The following LOXHD1 variants were observed in gnomAD, a reference collection of about 807,000 sequenced individuals.
LOXHD1 encodes lipoxygenase homology PLAT domains 1.
LOXHD1 carries 205 observed loss-of-function variants against 248.2 expected under a neutral mutation model. The ratio of observed to expected loss-of-function variants is 0.83; its 90% CI spans 0.74 to 0.93. LOXHD1 has a LOEUF of 0.93. Among genes scored for constraint, LOXHD1 ranks in the 40% least tolerant of loss-of-function variants. The probability of loss-of-function intolerance (pLI) is 0.00; values close to 1 mark genes in which losing one functional copy is unlikely to be tolerated. For synonymous variants in LOXHD1, 1,113 were observed against 1,162.8 expected (o/e 0.96, Z 0.87); for missense variants, 2,930 against 2,971.6 (o/e 0.99, Z 0.33).
At position 46,477,478 on chromosome 18, in the gene LOXHD1, A is replaced by G; in HGVS notation, c.6816T>C (p.Ser2272=). ...GGGTGGGGGCCCTAGCCCCTCAGACAGAAGGGAAGAGGTCTCTCCAGGTGA... is the reference window on the plus strand; with the variant it reads ...GGGTGGGGGCCCTAGCCCCTCAGACGGAAGGGAAGAGGTCTCTCCAGGTGA... The part of the protein sequence containing the change: ...DGLTWRDLFP[S]V Residue 2272 remains serine (S), a synonymous_variant, in exon 41 of 41, where the codon TCT becomes TCC. Coordinates refer to ENST00000642948, the MANE Select transcript of LOXHD1 (RefSeq NM_001384474.1). 6.5e-7 allele frequency: 1 copy of G among 1,545,020 alleles called. No individual in the cohort carries two copies. The highest frequency in any genetic ancestry group is 1.2e-5 in the South Asian group (1 of 83,934).
intron 37 of LOXHD1, among the ~76,000 whole-genome samples, chr18:46,489,781 G>A (rs963330131): frequency 2.0e-5 from 3 of 152,202 alleles, no homozygotes; most frequent in Non-Finnish European, 2.9e-5. Flanking sequence ...GCTCTTGAAG[G>A]CAGGGAGTAG....
chr18:46,549,772 T>C (rs890901898), intron 21 of LOXHD1, among the ~76,000 whole-genome samples: 1 of 152,226 alleles, frequency 6.6e-6, no homozygotes, highest in Non-Finnish European at 1.5e-5. Context: ...TATTCAAGAA[T>C]GGTATCTGTC....
intron 37 of LOXHD1, among the ~76,000 whole-genome samples, chr18:46,499,083 A>C (rs1315123140): frequency 2.0e-5 from 3 of 152,240 alleles, no homozygotes; most frequent in Non-Finnish European, 4.4e-5. Flanking sequence ...ACTAAGTGCC[A>C]GGCATTAGGC....
chr18:46,638,982 C>T (rs539497978), intron 4 of LOXHD1, among the ~76,000 whole-genome samples: 1 of 152,158 alleles, frequency 6.6e-6, no homozygotes, highest in African/African-American at 2.4e-5. Context: ...GTAATGCCCC[C>T]CTTTTTGGAA....
At chr18:46,603,035 C>T (rs912813941) in intron 7 of LOXHD1, among the ~76,000 whole-genome samples, 6 of 152,028 alleles carry the variant, frequency 3.9e-5, no homozygotes, top group Non-Finnish European at 5.9e-5. Flanking sequence ...ATGATCAGCC[C>T]GCAATGCTGA....
chr18:46,598,851 T>A (rs1017818411), intron 8 of LOXHD1, among the ~76,000 whole-genome samples: 1 of 152,162 alleles, frequency 6.6e-6, no homozygotes, highest in Admixed American at 6.5e-5. Context: ...AAAGTCAATA[T>A]AGTAAAGATG....
intron 37 of LOXHD1, among the ~76,000 whole-genome samples, chr18:46,500,371 G>A (rs1246757735): frequency 6.6e-6 from 1 of 152,176 alleles, no homozygotes; most frequent in African/African-American, 2.4e-5. Context: ...AACTCATCAA[G>A]ATGAAGAAAG....
intron 26 of LOXHD1, among the ~76,000 whole-genome samples, chr18:46,536,992 C>T (rs1177808920): frequency 6.6e-6 from 1 of 152,208 alleles, no homozygotes; most frequent in Non-Finnish European, 1.5e-5. Flanking sequence ...ATCCAAGTTA[C>T]ATCACACTCC....
At chr18:46,593,175 T>G (rs894729619) in intron 10 of LOXHD1, among the ~76,000 whole-genome samples, 3 of 147,870 alleles carry the variant, frequency 2.0e-5, no homozygotes, top group African/African-American at 7.3e-5. Context: ...TTATGCATAA[T>G]GGAAAGTTTT....
intron 33 of LOXHD1, chr18:46,518,858 G>A (rs1314729793): frequency 1.0e-6 from 1 of 984,064 alleles, no homozygotes; most frequent in African/African-American, 1.7e-5. Flanking sequence ...AATGAGGGGT[G>A]CCATCGGGAG....
At chr18:46,620,884 G>A (rs1568220545) in intron 4 of LOXHD1, among the ~76,000 whole-genome samples, 2 of 152,204 alleles carry the variant, frequency 1.3e-5, no homozygotes, top group Non-Finnish European at 2.9e-5. Flanking sequence ...CAGCACGAAC[G>A]CACACGGGAC....
intron 2 of LOXHD1, among the ~76,000 whole-genome samples, chr18:46,648,594 G>A (rs1009966663): frequency 1.3e-5 from 2 of 152,164 alleles, no homozygotes; most frequent in African/African-American, 4.8e-5. Context: ...GCAGTGGGGG[G>A]AAAGGATCCG....
intron 2 of LOXHD1, among the ~76,000 whole-genome samples, chr18:46,648,309 C>A (rs530846833): frequency 6.6e-6 from 1 of 151,876 alleles, no homozygotes; most frequent in African/African-American, 2.4e-5. Context: ...CAAAAAAAAA[C>A]GTGGGGTTTA....
intron 21 of LOXHD1, chr18:46,556,778 T>C (rs1428388389): frequency 5.4e-4 from 75 of 137,778 alleles, no homozygotes; most frequent in African/African-American, 7.3e-4. Context: ...CCACCCTCAG[T>C]CTCAGACATC....
intron 38 of LOXHD1, among the ~76,000 whole-genome samples, chr18:46,488,406 T>A (rs1478638968): frequency 6.6e-6 from 1 of 152,158 alleles, no homozygotes. Context: ...ATTGGAAAAA[T>A]CCATTTCTTA....
intron 31 of LOXHD1, among the ~76,000 whole-genome samples, chr18:46,522,512 A>T (rs1391733101): frequency 6.6e-6 from 1 of 152,202 alleles, no homozygotes; most frequent in Non-Finnish European, 1.5e-5. Context: ...GCTAACTCCC[A>T]ATGTACAGAC....
intron 34 of LOXHD1, among the ~76,000 whole-genome samples, chr18:46,511,219 G>A (rs937066423): frequency 1.3e-5 from 2 of 152,042 alleles, no homozygotes; most frequent in South Asian, 2.1e-4. Flanking sequence ...TCCTCTCTTC[G>A]GTGTAAAACC....
chr18:46,645,410 A>G (rs1654926012), intron 2 of LOXHD1, among the ~76,000 whole-genome samples: 1 of 152,212 alleles, frequency 6.6e-6, no homozygotes, highest in South Asian at 2.1e-4. Flanking sequence ...CAGCCAGCAG[A>G]GCCATCGGGC....
chr18:46,579,496 C>A (rs544895753), intron 13 of LOXHD1, 134 bp downstream of exon 13: 2 of 1,215,594 alleles, frequency 1.6e-6, no homozygotes, highest in Non-Finnish European at 1.2e-6. Flanking sequence ...CGCCCCCTTA[C>A]CCAGAGTGAG....
Sources: gnomAD v4.1 joint callset for allele counts (sites outside exome capture counted in the v4.1 genomes callset) on GRCh38, gnomAD v4.1.1 for gene constraint, MANE v1.5 for transcripts, NCBI Gene and HGNC (gene_info 2026-07-23, HGNC 2026-07-21) for gene names.